Variants in PFKFB2 observed in about 807,000 individuals in gnomAD.
PFKFB2 encodes the protein 6-phosphofructo-2-kinase/fructose-2,6-biphosphatase 2.
PFKFB2 carries 53 observed loss-of-function variants against 68.0 expected under a neutral mutation model. The observed-to-expected ratio is 0.78, with a 90% CI of 0.63 to 0.98. The LOEUF (loss-of-function observed/expected upper bound fraction) is 0.98. Ranked by LOEUF, PFKFB2 falls within the 50% of genes least tolerant of loss-of-function variation. The pLI is 0.00. For missense variants in PFKFB2, 451 were observed against 642.0 expected (o/e 0.70, Z 3.22); for synonymous variants, 222 against 227.6 (o/e 0.98, Z 0.22).
At chr1:207,080,728 T>G (rs567547188), downstream of PFKFB2, 11 of 151,734 alleles carry the variant, frequency 7.2e-5, no homozygotes, top group East Asian at 2.1e-3. Flanking sequence ...TTGTTTGGGG[T>G]TTTTTTTGTA....
chr1:207,079,957 C>T (rs931541271), downstream of PFKFB2: 1 of 152,220 alleles, frequency 6.6e-6, no homozygotes, highest in African/African-American at 2.4e-5. Flanking sequence ...GTGGCTGTGA[C>T]TTGGAGGGCA....
Position 207,069,482 on chromosome 1 carries a change from C to T in PFKFB2, c.1046C>T (p.Ala349Val), listed in dbSNP as rs1321600150. Residue 349 changes from alanine to valine, a missense_variant, in exon 11 of 15, where the codon GCA becomes GTA. Coordinates refer to ENST00000367080, the MANE Select transcript of PFKFB2 (RefSeq NM_006212.2). ...GAGAAACGGTACCCAGAAGAGTTTG[C>T]ACTTCGAGATCAAGAGAAGTATCTG... Reference protein sequence around the residue: ...EIEKRYPEEFALRDQEKYLYR... With the variant: ...EIEKRYPEEFVLRDQEKYLYR... 3 of 1,613,872 alleles carry T rather than the reference C, an allele frequency of 1.9e-6. No individual in the cohort carries two copies. Among genetic ancestry groups the T allele is most frequent in the Admixed American group, 1.7e-5 (1 of 60,014 alleles).
Position 207,077,703 on chromosome 1 carries a change from A to G in PFKFB2, c.*5332A>G. 1.0e-6 allele frequency: 1 copy of G among 985,770 alleles called. No individual in the cohort carries two copies. The highest frequency in any genetic ancestry group is 1.2e-6 in the Non-Finnish European group (1 of 829,822). The allele number at this position is 985,770 out of a possible 1,614,324, so 61.1% of individuals were successfully genotyped here. ...ATTCTGATTTAATCGGGTGACACTG[A>G]TAACAAAGTATGCCACTCAGATCCA... On this transcript the variant is annotated 3_prime_UTR_variant, in exon 15 of 15. Coordinates refer to ENST00000367080, the MANE Select transcript of PFKFB2 (RefSeq NM_006212.2).
At chr1:207,051,089 G>A, upstream of PFKFB2, 2 of 1,443,012 alleles carry the variant, frequency 1.4e-6, no homozygotes, top group South Asian at 2.9e-5. Context: ...TTCTGCCTTA[G>A]TACCTTAGCA....
Position 207,074,469 on chromosome 1 carries a change from GGT to G in PFKFB2, c.*2100_*2101del. 1.0e-6 allele frequency: 1 copy of G among 985,404 alleles called. No individual in the cohort carries two copies. The allele number at this position is 985,404 out of a possible 1,614,324, so 61.0% of individuals were successfully genotyped here. On this transcript the variant is annotated 3_prime_UTR_variant, in exon 15 of 15. Transcript: ENST00000367080. Reference sequence around the variant, plus strand: ...GGGGATTTTAAGCACCCTGGAGAGAGGTGCAGACCCTGCCAGGATGATAAAGG... The same window carrying G: ...GGGGATTTTAAGCACCCTGGAGAGAGGCAGACCCTGCCAGGATGATAAAGG...
At chr1:207,079,596 G>C (rs569699080), downstream of PFKFB2, 1 of 152,686 alleles carries the variant, frequency 6.5e-6, no homozygotes, top group East Asian at 1.9e-4. Flanking sequence ...AGTGTCAGTG[G>C]CAACCTTTTC....
At chr1:207,069,969 C>G (rs1195152871) in intron 11 of PFKFB2, among the ~76,000 whole-genome samples, 1 of 152,088 alleles carries the variant, frequency 6.6e-6, no homozygotes, top group East Asian at 1.9e-4. Flanking sequence ...ACAGGAAACC[C>G]CTAGGAGTCT....
Position 207,037,897 on chromosome 1 carries a change from T to C in PFKFB2, c.-62+3425T>C, listed in dbSNP as rs74148940. Among the ~76,000 whole-genome samples the C allele has an allele frequency of 3.3e-3, 499 of 152,374 alleles. 4 individuals are homozygous for C. The highest frequency in any genetic ancestry group is 0.011 in the African/African-American group (476 of 41,594). ...TAATAGCACATAACTTATAGAGTTA[T>C]TGTAAAGATTACATGAGATAATACA... is the stretch of plus-strand genomic sequence containing the variant. On this transcript the variant is annotated intron_variant, in intron 1 of 5. Transcript: ENST00000545806.
Position 207,076,739 on chromosome 1 carries a change from G to T in PFKFB2, c.*4368G>T. 1.0e-6 allele frequency: 1 copy of T among 985,210 alleles called. No homozygotes were observed. The highest frequency in any genetic ancestry group is 1.2e-6 in the Non-Finnish European group (1 of 829,884). The allele number at this position is 985,210 out of a possible 1,614,324, so 61.0% of individuals were successfully genotyped here. A position where few individuals can be genotyped will look rare whatever the true frequency, so the allele number is the denominator to read the frequency against. ...AGGATCTGTGTGCTGATTGACTCTA[G>T]TAGGATCTGTTTGTCACTGACAGAC... On this transcript the variant is annotated 3_prime_UTR_variant, in exon 15 of 15. Transcript: ENST00000367080.
intron 2 of PFKFB2, among the ~76,000 whole-genome samples, chr1:207,058,552 G>A (rs1335615048): frequency 1.3e-5 from 2 of 152,062 alleles, no homozygotes; most frequent in African/African-American, 2.4e-5. Context: ...CCAGGCTTGA[G>A]TTTTTCCATT....
intron 1 of PFKFB2, among the ~76,000 whole-genome samples, chr1:207,035,963 T>C (rs1395267526): frequency 6.6e-6 from 1 of 152,182 alleles, no homozygotes; most frequent in African/African-American, 2.4e-5. Context: ...TATCACATAG[T>C]ACGTTAGTCT....
chr1:207,073,679 G>A lies in PFKFB2; in HGVS notation c.*1308G>A, dbSNP rs1027341367. ...CTTGGAACCCTGTGGGATCTAGCTC[G>A]TAACTGTTTGTATTTCTCTATTCAC... On this transcript the variant is annotated 3_prime_UTR_variant, in exon 15 of 15. Transcript: ENST00000367080. The A allele has an allele frequency of 4.1e-6, 4 of 984,802 alleles. No individual in the cohort carries two copies. The highest frequency in any genetic ancestry group is 3.5e-5 in the African/African-American group (2 of 57,194). The allele number at this position is 984,802 out of a possible 1,614,324, so 61.0% of individuals were successfully genotyped here. A position where few individuals can be genotyped will look rare whatever the true frequency, so the allele number is the denominator to read the frequency against.
At position 207,059,483 on chromosome 1, in the gene PFKFB2, C is replaced by A. The variant is rs541095824; in HGVS notation, c.86-2470C>A. On this transcript the variant is annotated intron_variant, in intron 2 of 14. Transcript: ENST00000367080. The stretch of plus-strand genomic sequence containing the variant: ...GCAGAGGCTATCTGCTTGTTAGGGG[C>A]CAGTGATCAGGGATTAATGCCAGCT... Among the ~76,000 whole-genome samples the A allele has an allele frequency of 3.9e-5, 6 of 152,188 alleles. No homozygotes were observed. The East Asian group carries it at 9.7e-4, about 24-fold the overall frequency.
At chr1:207,053,579 T>G (rs1374609841) in intron 1 of PFKFB2, among the ~76,000 whole-genome samples, 3 of 152,154 alleles carry the variant, frequency 2.0e-5, no homozygotes, top group Admixed American at 6.5e-5. Context: ...CGCAGGATCT[T>G]CCGTCCTCAC....
At chr1:207,045,633 A>G (rs1682581356) in intron 2 of PFKFB2, 1 of 152,124 alleles carries the variant, frequency 6.6e-6, no homozygotes, top group Non-Finnish European at 1.5e-5. Flanking sequence ...TTAATCTTGC[A>G]TACTTCCCAT....
intron 9 of PFKFB2, 51 bp from the exon 10 acceptor site, chr1:207,068,112 G>T (rs374547175): frequency 6.8e-6 from 10 of 1,479,338 alleles, no homozygotes; most frequent in Non-Finnish European, 7.4e-6. Flanking sequence ...GTGTGTGTGT[G>T]TGTGTCTGTG....
intron 1 of PFKFB2, among the ~76,000 whole-genome samples, chr1:207,035,644 C>A (rs563255013): frequency 6.6e-6 from 1 of 151,578 alleles, no homozygotes; most frequent in Non-Finnish European, 1.5e-5. Context: ...CAGAGCAAGA[C>A]CCTGTCTTAA....
Position 207,062,621 on chromosome 1 carries a change from G to A in PFKFB2, c.213G>A (p.Val71=), listed in dbSNP as rs1683151929. The A allele has an allele frequency of 1.9e-6, 3 of 1,613,650 alleles. No individual in the cohort carries two copies. Among genetic ancestry groups the A allele is most frequent in the Non-Finnish European group, 1.7e-6 (2 of 1,179,806 alleles). ...GAAGGATTTGGGTGTCTTCTACAGTGTTTAATCTTGGGGTGTATCGGCGTG... is the reference window on the plus strand; with the variant it reads ...GAAGGATTTGGGTGTCTTCTACAGTATTTAATCTTGGGGTGTATCGGCGTG... ...YLNWIGVPTK[V]FNLGVYRREA... is the part of the protein sequence containing the mutation. The change falls in exon 4 of 15, where the codon GTG becomes GTA. Residue 71 remains valine, a splice_region_variant and synonymous_variant. Transcript: ENST00000367080.
intron 2 of PFKFB2, among the ~76,000 whole-genome samples, chr1:207,056,936 C>T (rs1396321540): frequency 2.6e-5 from 4 of 152,148 alleles, no homozygotes; most frequent in African/African-American, 4.8e-5. Flanking sequence ...ATAGCTTAAC[C>T]GTTGTTCCCT....
Sources: gnomAD v4.1 joint callset for allele counts (sites outside exome capture counted in the v4.1 genomes callset) on GRCh38, gnomAD v4.1.1 for gene constraint, MANE v1.5 for transcripts, NCBI Gene and HGNC (gene_info 2026-07-23, HGNC 2026-07-21) for gene names.